Variants in RNF130 observed in about 807,000 individuals in gnomAD.
The protein encoded by RNF130 is ring finger protein 130.
A neutral mutation model predicts 44.6 loss-of-function variants in RNF130; 21 were observed. The ratio of observed to expected loss-of-function variants is 0.47; its 90% CI spans 0.33 to 0.68. RNF130 has a LOEUF of 0.68. Ranked by LOEUF, RNF130 falls within the 30% of genes least tolerant of loss-of-function variation. The pLI is 0.02. For synonymous variants in RNF130, 214 were observed against 210.4 expected (o/e 1.02, Z -0.15); for missense variants, 479 against 560.6 (o/e 0.85, Z 1.47).
intron 3 of RNF130, among the ~76,000 whole-genome samples, chr5:180,006,760 AT>A (rs1462505948): frequency 6.6e-6 from 1 of 152,222 alleles, no homozygotes; most frequent in Non-Finnish European, 1.5e-5. Flanking sequence ...AACATTTTAC[AT>A]TTTTCAGAAA....
intron 2 of RNF130, among the ~76,000 whole-genome samples, chr5:180,029,706 A>AT (rs1293476104): frequency 2.6e-5 from 4 of 152,014 alleles, no homozygotes; most frequent in African/African-American, 9.7e-5. Context: ...CGCCCAGCTC[A>AT]TTTTTGTATT....
At chr5:179,955,967 T>G (rs116486220) in intron 8 of RNF130, 1 of 299,336 alleles carries the variant, frequency 3.3e-6, no homozygotes, top group African/African-American at 2.1e-5. Flanking sequence ...TTACAATTTT[T>G]CCTGGTTTAA....
At position 179,967,438 on chromosome 5, in the gene RNF130, A is replaced by G. The variant is rs138475011; in HGVS notation, c.946-428T>C. On this transcript the variant is annotated intron_variant, in intron 6 of 8. Coordinates refer to ENST00000521389, the MANE Select transcript of RNF130 (RefSeq NM_018434.6). ...ACTAACTTCTCTAAAAGCCCCATTT[A>G]TCTGGTAGTCAGTTTTTAAGTATGG... Among the ~76,000 whole-genome samples the G allele has an allele frequency of 2.8e-4, 42 of 152,398 alleles. No homozygotes were observed. In the East Asian group the frequency reaches 7.5e-3, roughly 27 times the overall value.
At chr5:179,992,386 CCCA>C (rs1367148013) in intron 3 of RNF130, among the ~76,000 whole-genome samples, 2 of 152,320 alleles carry the variant, frequency 1.3e-5, no homozygotes, top group African/African-American at 4.8e-5. Flanking sequence ...TCGTGATCCA[CCCA>C]CCTCATCCTC....
At chr5:180,008,465 CACTG>C (rs1199043883) in intron 3 of RNF130, among the ~76,000 whole-genome samples, 4 of 152,160 alleles carry the variant, frequency 2.6e-5, no homozygotes, top group South Asian at 2.1e-4. Context: ...ACCAATGAAA[CACTG>C]ACTAAGACAA....
intron 3 of RNF130, among the ~76,000 whole-genome samples, chr5:179,983,117 CA>C (rs1392660468): frequency 2.6e-5 from 4 of 152,120 alleles, no homozygotes; most frequent in Non-Finnish European, 5.9e-5. Context: ...AATCCTTTTG[CA>C]TGTATTTCCC....
chr5:179,939,284 A>G (rs373037471), intron 7 of RNF130, among the ~76,000 whole-genome samples: 3 of 150,590 alleles, frequency 2.0e-5, no homozygotes. Flanking sequence ...ACAGAAAAAA[A>G]GTGGTCCTAT....
chr5:179,993,022 G>C (rs1763122732), intron 3 of RNF130, among the ~76,000 whole-genome samples: 1 of 152,168 alleles, frequency 6.6e-6, no homozygotes, highest in Admixed American at 6.5e-5. Flanking sequence ...ATGGTTTCCA[G>C]CTTCATCCAT....
intron 2 of RNF130, among the ~76,000 whole-genome samples, chr5:180,038,998 A>G (rs936589416): frequency 6.6e-6 from 1 of 152,178 alleles, no homozygotes; most frequent in South Asian, 2.1e-4. Context: ...ACCTGCTCTG[A>G]AACCTAGCAG....
chr5:179,988,731 T>C (rs1029513858), intron 3 of RNF130, among the ~76,000 whole-genome samples: 5 of 152,216 alleles, frequency 3.3e-5, no homozygotes, highest in Non-Finnish European at 7.3e-5. Flanking sequence ...TGAGTTTTAT[T>C]CCACTGTGTT....
chr5:179,968,782 C>T (rs1456108454), intron 6 of RNF130, among the ~76,000 whole-genome samples: 1 of 151,958 alleles, frequency 6.6e-6, no homozygotes, highest in Non-Finnish European at 1.5e-5. Flanking sequence ...TGGGGGACAT[C>T]TGGCAACGTC....
chr5:180,001,490 C>T (rs755835029), intron 3 of RNF130, among the ~76,000 whole-genome samples: 1 of 152,170 alleles, frequency 6.6e-6, no homozygotes, highest in Non-Finnish European at 1.5e-5. Flanking sequence ...TAAGAGTCTA[C>T]TTTGTAGCTG....
chr5:180,029,006 C>T (rs967140851), intron 2 of RNF130, among the ~76,000 whole-genome samples: 1 of 152,204 alleles, frequency 6.6e-6, no homozygotes, highest in African/African-American at 2.4e-5. Context: ...CAATCACCCT[C>T]TTTTAGGTAG....
intron 5 of RNF130, among the ~76,000 whole-genome samples, chr5:179,975,586 G>A (rs1762700895): frequency 6.6e-6 from 1 of 152,212 alleles, no homozygotes; most frequent in Non-Finnish European, 1.5e-5. Flanking sequence ...TGAGCAGGCT[G>A]TGTGGTGCAG....
In RNF130 at chr5:180,011,766, TA is replaced by T. The variant is rs79620642; in HGVS notation, c.693+1294del. On this transcript the variant is annotated intron_variant, in intron 3 of 8. Coordinates refer to ENST00000521389, the MANE Select transcript of RNF130 (RefSeq NM_018434.6). ...GGTGACAGGGCAAGACCCTGTCTCT[TA>T]AAAAAAAAAAAGTTTTTTAAATTAA... Among the ~76,000 whole-genome samples the T allele has an allele frequency of 2.5e-3, 366 of 145,742 alleles. 4 individuals are homozygous for T. The highest frequency in any genetic ancestry group is 3.6e-3 in the Middle Eastern group (1 of 280).
chr5:179,971,475 T>C (rs183065421), intron 5 of RNF130, among the ~76,000 whole-genome samples: 70 of 152,338 alleles, frequency 4.6e-4, no homozygotes, highest in African/African-American at 1.4e-3. Context: ...GTTCACACCA[T>C]TCTCCTGCCT....
intron 8 of RNF130, among the ~76,000 whole-genome samples, chr5:179,960,087 G>C (rs1243176058): frequency 6.6e-6 from 1 of 152,066 alleles, no homozygotes; most frequent in African/African-American, 2.4e-5. Flanking sequence ...TATTTTGAGG[G>C]AAAACTAGAG....
At chr5:180,064,456 T>A (rs1345088509) in intron 1 of RNF130, among the ~76,000 whole-genome samples, 3 of 152,196 alleles carry the variant, frequency 2.0e-5, no homozygotes, top group African/African-American at 7.2e-5. Context: ...CCAACAGTTT[T>A]TAGTTCTTCT....
rs917053029 is a variant in RNF130, at chr5:180,049,261, T to A, written c.248-8614A>T. On this transcript the variant is annotated intron_variant, in intron 1 of 8. Coordinates refer to ENST00000521389, the MANE Select transcript of RNF130 (RefSeq NM_018434.6). ...CTCCTTCCCTCACTCGAGGGAAACA[T>A]GAGCTATTTGGGAGTGGAGAGCCCC... 2.0e-5 allele frequency among the ~76,000 whole-genome samples: 3 copies of A among 152,134 alleles called. No homozygotes were observed. In the South Asian group the frequency reaches 6.2e-4, roughly 31 times the overall value.
Sources: allele counts gnomAD v4.1 joint callset (sites outside exome capture counted in the v4.1 genomes callset), GRCh38; gene constraint gnomAD v4.1.1; transcripts MANE v1.5; gene names NCBI Gene and HGNC (gene_info 2026-07-23, HGNC 2026-07-21).